The following EPB41L4A variants were observed in gnomAD, a reference collection of about 807,000 sequenced individuals.
EPB41L4A encodes band 4.1-like protein 4A.
A neutral mutation model predicts 108.6 loss-of-function variants in EPB41L4A; 100 were observed. The ratio of observed to expected loss-of-function variants is 0.92; its 90% confidence interval spans 0.78 to 1.09. The LOEUF (loss-of-function observed/expected upper bound fraction) is 1.09. Among genes scored for constraint, EPB41L4A ranks in the 50% least tolerant of loss-of-function variants. The pLI is 0.00. For synonymous variants in EPB41L4A, 319 were observed against 289.0 expected (o/e 1.10, Z -1.05); for missense variants, 1,030 against 842.7 (o/e 1.22, Z -2.75).
intron 1 of EPB41L4A, among the ~76,000 whole-genome samples, chr5:112,339,476 A>ATATATATATATC (rs1757128026): frequency 1.7e-4 from 2 of 11,510 alleles, no homozygotes; most frequent in African/African-American, 4.2e-4. Flanking sequence ...ATATATATCT[A>ATATATATATATC]TATATATATA....
intron 12 of EPB41L4A, among the ~76,000 whole-genome samples, chr5:112,217,520 G>A (rs933133052): frequency 1.3e-5 from 2 of 152,066 alleles, no homozygotes; most frequent in Admixed American, 1.3e-4. Context: ...GCAACATAGT[G>A]AGACCTATCT....
At chr5:112,291,187 C>G (rs748078867) in intron 2 of EPB41L4A, among the ~76,000 whole-genome samples, 15 of 152,320 alleles carry the variant, frequency 9.8e-5, no homozygotes, top group Non-Finnish European at 2.1e-4. Flanking sequence ...ACAGAGCCTA[C>G]AAAAGCCTGC....
At chr5:112,224,480 TA>T (rs1748315428) in intron 12 of EPB41L4A, among the ~76,000 whole-genome samples, 2 of 152,154 alleles carry the variant, frequency 1.3e-5, no homozygotes, top group Non-Finnish European at 2.9e-5. Flanking sequence ...TCAGACAGAA[TA>T]AAGGAATTTT....
chr5:112,220,404 G>A (rs1747966177), intron 12 of EPB41L4A, among the ~76,000 whole-genome samples: 1 of 152,120 alleles, frequency 6.6e-6, no homozygotes, highest in Non-Finnish European at 1.5e-5. Flanking sequence ...AACCCCAAGA[G>A]GTTCAAAGCT....
At position 112,169,103 on chromosome 5, in the gene EPB41L4A, G is replaced by A. The variant is rs1160739482; in HGVS notation, c.1742C>T (p.Thr581Ile). The A allele has an allele frequency of 3.7e-6, 6 of 1,610,718 alleles. No individual in the cohort carries two copies. Among genetic ancestry groups the A allele is most frequent in the South Asian group, 2.2e-5 (2 of 91,020 alleles). The change falls in exon 21 of 23, where the codon ACA becomes ATA. Residue 581 changes from threonine (T) to isoleucine (I), a missense_variant and splice_region_variant. Thr to Ile is a moderately conservative substitution (Grantham distance 89). Coordinates refer to ENST00000261486, the MANE Select transcript of EPB41L4A (RefSeq NM_022140.5). ...LKEIPYTKIE[T>I]QGDPIRIRHS... is the part of the protein sequence containing the mutation. ...CCTGATGCGGATTGGGTCACCTTGT[G>A]TCCTGAACAAGCAACCAAGAAACAT... is the stretch of plus-strand genomic sequence containing the variant.
chr5:112,259,318 C>A (rs755966766), intron 8 of EPB41L4A, 26 bp from the exon 9 acceptor site: 1 of 1,601,980 alleles, frequency 6.2e-7, no homozygotes, highest in South Asian at 1.1e-5. Flanking sequence ...GATGGTGTTG[C>A]TGCTGTTTTT....
intron 1 of EPB41L4A, among the ~76,000 whole-genome samples, chr5:112,346,874 G>A (rs1757710902): frequency 6.6e-6 from 1 of 152,158 alleles, no homozygotes; most frequent in African/African-American, 2.4e-5. Flanking sequence ...TTTGAAAGAG[G>A]TGCTGCATGT....
rs1760058045 is a variant in EPB41L4A, at chr5:112,163,731, C to T, written c.*1259G>A. 1 of 152,164 alleles carries T rather than the reference C, an allele frequency of 6.6e-6. No individual in the cohort carries two copies. Among genetic ancestry groups the T allele is most frequent in the South Asian group, 2.1e-4 (1 of 4,824 alleles). The allele number at this position is 152,164 out of a possible 1,614,324, so 9.4% of individuals were successfully genotyped here. Reference sequence around the variant, plus strand: ...AACTGGCTGAGAATGAGAGGAAAATCTTAGTTGCTTGGCGGGAGGGGGTTT... The same window carrying T: ...AACTGGCTGAGAATGAGAGGAAAATTTTAGTTGCTTGGCGGGAGGGGGTTT... On this transcript the variant is annotated 3_prime_UTR_variant, in exon 23 of 23. Coordinates refer to ENST00000261486, the MANE Select transcript of EPB41L4A (RefSeq NM_022140.5).
Position 112,153,485 on chromosome 5 carries a change from C to T in EPB41L4A, n.994+4916G>A, listed in dbSNP as rs540707535. ...CGGAGGTTGCAGTGAGCCAAGATAG[C>T]GCCACTGCACTCCAGCCAGGGCAAC... On this transcript the variant is annotated intron_variant and non_coding_transcript_variant, in intron 12 of 13. Coordinates refer to the EPB41L4A transcript ENST00000507810. 9.2e-4 allele frequency among the ~76,000 whole-genome samples: 137 copies of T among 148,990 alleles called. 1 individual carries two copies. The highest frequency in any genetic ancestry group is 1.5e-3 in the Non-Finnish European group (102 of 67,396).
chr5:112,305,292 C>G (rs1357141092), intron 2 of EPB41L4A, among the ~76,000 whole-genome samples: 1 of 152,090 alleles, frequency 6.6e-6, no homozygotes, highest in African/African-American at 2.4e-5. Flanking sequence ...CGGTGGTGCA[C>G]TGATGATGAT....
At chr5:112,336,198 A>G (rs1756901576) in intron 1 of EPB41L4A, among the ~76,000 whole-genome samples, 2 of 152,238 alleles carry the variant, frequency 1.3e-5, no homozygotes, top group Non-Finnish European at 2.9e-5. Flanking sequence ...GCAGTGGCAA[A>G]TCCAGAAACA....
intron 1 of EPB41L4A, among the ~76,000 whole-genome samples, chr5:112,364,614 T>C (rs1207798693): frequency 1.3e-5 from 2 of 152,194 alleles, no homozygotes; most frequent in African/African-American, 4.8e-5. Context: ...AAAATCATGC[T>C]ATAGTTAAGC....
At chr5:112,417,408 T>C (rs1762777702) in intron 1 of EPB41L4A, among the ~76,000 whole-genome samples, 1 of 152,234 alleles carries the variant, frequency 6.6e-6, no homozygotes, top group African/African-American at 2.4e-5. Flanking sequence ...TTTACTGTCT[T>C]AGTATCTGAT....
intron 12 of EPB41L4A, among the ~76,000 whole-genome samples, chr5:112,154,926 A>ATT: frequency 6.6e-6 from 1 of 152,216 alleles, no homozygotes; most frequent in South Asian, 2.1e-4. Flanking sequence ...TGTAAGGAAC[A>ATT]ACTTCCTAAC....
chr5:112,143,777 G>A (rs909676304), exon 14 of EPB41L4A: 22 of 419,434 alleles, frequency 5.2e-5, no homozygotes, highest in Middle Eastern at 3.5e-4. Context: ...CTTGAGTCAC[G>A]TGTTAATACC....
chr5:112,239,898 A>G (rs550626412), intron 10 of EPB41L4A, among the ~76,000 whole-genome samples, 161 bp from the exon 11 acceptor site: 2 of 152,366 alleles, frequency 1.3e-5, no homozygotes, highest in East Asian at 3.9e-4. Context: ...GAAACAGGGA[A>G]GAACTCAATT....
At chr5:112,391,810 T>A (rs1760962167) in intron 1 of EPB41L4A, among the ~76,000 whole-genome samples, 1 of 151,660 alleles carries the variant, frequency 6.6e-6, no homozygotes, top group East Asian at 1.9e-4. Flanking sequence ...AAGGAAAAAA[T>A]GTTAAGGGCA....
At chr5:112,404,395 A>C (rs553863037) in intron 1 of EPB41L4A, among the ~76,000 whole-genome samples, 12 of 152,322 alleles carry the variant, frequency 7.9e-5, no homozygotes, top group Non-Finnish European at 1.8e-4. Context: ...TAAATGATGG[A>C]GCCACAAGAT....
At chr5:112,198,783 A>C (rs77375443) in intron 15 of EPB41L4A, among the ~76,000 whole-genome samples, 1 of 152,166 alleles carries the variant, frequency 6.6e-6, no homozygotes, top group Admixed American at 6.5e-5. Context: ...TAAGCCTAAT[A>C]ACTCTTATTT....
Sources: gnomAD v4.1 joint callset for allele counts (sites outside exome capture counted in the v4.1 genomes callset) on GRCh38, gnomAD v4.1.1 for gene constraint, MANE v1.5 for transcripts, NCBI Gene and HGNC (gene_info 2026-07-23, HGNC 2026-07-21) for gene names.